The following CGGBP1 variants were observed in gnomAD, a reference collection of about 807,000 sequenced individuals.
CGGBP1 encodes CGG triplet repeat binding protein 1.
A neutral mutation model predicts 11.4 loss-of-function variants in CGGBP1; 4 were observed. The observed-to-expected ratio is 0.35, with a 90% confidence interval of 0.17 to 0.80. CGGBP1 has a LOEUF of 0.80. Among genes scored for constraint, CGGBP1 ranks in the 30% least tolerant of loss-of-function variants. The pLI is 0.52. For missense variants in CGGBP1, 135 were observed against 202.1 expected, an observed-to-expected ratio of 0.67 and a Z score of 2.01; for synonymous variants, 76 against 74.1, an observed-to-expected ratio of 1.03 and a Z score of -0.13.
Position 88,055,464 on chromosome 3 carries a change from A to G in CGGBP1, c.*9T>C. On this transcript the variant is annotated 3_prime_UTR_variant, in exon 4 of 4. Coordinates refer to ENST00000482016, the MANE Select transcript of CGGBP1 (RefSeq NM_001008390.2). The surrounding 1 kb of genome is among the most constrained non-coding windows in gnomAD (Gnocchi z 4.2). ...ATTTATCTTGATCACAATGGTGGTAACCTCCTAGTCAACAATCTTGTGAGT... is the reference window on the plus strand; with the variant it reads ...ATTTATCTTGATCACAATGGTGGTAGCCTCCTAGTCAACAATCTTGTGAGT... The G allele has an allele frequency of 6.6e-7, 1 of 1,511,484 alleles. No homozygotes were observed. Among genetic ancestry groups the G allele is most frequent in the Non-Finnish European group, 8.9e-7 (1 of 1,129,602 alleles). 93.6% of individuals were successfully genotyped at this position (1,511,484 alleles called of 1,614,324 possible). A position where few individuals can be genotyped will look rare whatever the true frequency, so the allele number is the denominator to read the frequency against.
At chr3:88,105,199 C>A (rs1453075512) in intron 2 of CGGBP1, among the ~76,000 whole-genome samples, 1 of 152,074 alleles carries the variant, frequency 6.6e-6, no homozygotes, top group African/African-American at 2.4e-5. Context: ...GACAGGAATT[C>A]GGTTGATAGA....
At chr3:88,135,262 A>G in intron 2 of CGGBP1, 1 of 1,273,156 alleles carries the variant, frequency 7.9e-7, no homozygotes, top group Non-Finnish European at 1.0e-6. Flanking sequence ...CTGAAACTTG[A>G]ATCTCTTTTG....
At chr3:88,138,658 T>C (rs1706949558) in intron 2 of CGGBP1, 1 of 1,155,028 alleles carries the variant, frequency 8.7e-7, no homozygotes, top group Non-Finnish European at 1.1e-6. Context: ...AGTATAACCA[T>C]TTTTTTGGAA....
In CGGBP1 at chr3:88,139,848, A is replaced by G. The variant is rs774298577; in HGVS notation, c.-229+1122T>C. On this transcript the variant is annotated intron_variant, in intron 2 of 3. Transcript: ENST00000462901. ...TCAAGAAACTTCAGTAATTCATAAA[A>G]TCAATGGAACTGTGTGCCATCCAAA... is the stretch of plus-strand genomic sequence containing the variant. The G allele has an allele frequency of 4.5e-5, 72 of 1,589,358 alleles. No individual in the cohort carries two copies. The highest frequency in any genetic ancestry group is 5.7e-5 in the Non-Finnish European group (67 of 1,167,104).
intron 2 of CGGBP1, among the ~76,000 whole-genome samples, chr3:88,105,325 C>T (rs1288083840): frequency 6.6e-6 from 1 of 152,126 alleles, no homozygotes; most frequent in African/African-American, 2.4e-5. Flanking sequence ...GATCATTCCA[C>T]AGTGATACAG....
chr3:88,061,352 G>A (rs1265085308), upstream of CGGBP1, among the ~76,000 whole-genome samples: 1 of 152,166 alleles, frequency 6.6e-6, no homozygotes, highest in African/African-American at 2.4e-5. Flanking sequence ...AACAAATGAA[G>A]TTGACTACTT....
intron 2 of CGGBP1, among the ~76,000 whole-genome samples, chr3:88,074,957 G>A (rs1204436202): frequency 6.6e-6 from 1 of 152,090 alleles, no homozygotes; most frequent in Non-Finnish European, 1.5e-5. Context: ...GTTTAATTGT[G>A]CTACTGTCTG....
chr3:88,083,839 C>T (rs2107653964), intron 2 of CGGBP1, among the ~76,000 whole-genome samples: 1 of 152,110 alleles, frequency 6.6e-6, no homozygotes, highest in Middle Eastern at 3.4e-3. Flanking sequence ...TGCTTACTGC[C>T]TTGTGGCCTT....
At chr3:88,065,177 A>C (rs1269591976) in intron 2 of CGGBP1, among the ~76,000 whole-genome samples, 4 of 152,234 alleles carry the variant, frequency 2.6e-5, no homozygotes, top group Admixed American at 6.5e-5. Flanking sequence ...ATAAAAGGTG[A>C]ATTCCCTGGA....
intron 3 of CGGBP1, chr3:88,056,210 T>C (rs2735556): frequency 0.092 from 37,717 of 409,266 alleles, 1,900 homozygotes; most frequent in Non-Finnish European, 0.11. Flanking sequence ...ATCAGGTCCA[T>C]TCCTTGATTT....
chr3:88,092,668 CAT>C (rs1477067365), intron 2 of CGGBP1, among the ~76,000 whole-genome samples: 5 of 151,998 alleles, frequency 3.3e-5, no homozygotes, highest in African/African-American at 7.2e-5. Context: ...ATTTGCTTGA[CAT>C]ATGAAGTTTA....
At chr3:88,122,696 A>G (rs1705841728) in intron 2 of CGGBP1, among the ~76,000 whole-genome samples, 1 of 152,156 alleles carries the variant, frequency 6.6e-6, no homozygotes, top group Non-Finnish European at 1.5e-5. Context: ...TTTATTATTT[A>G]AGTAAATATT....
intron 2 of CGGBP1, among the ~76,000 whole-genome samples, chr3:88,073,061 A>G (rs749783958): frequency 1.3e-5 from 2 of 152,216 alleles, no homozygotes; most frequent in African/African-American, 2.4e-5. Flanking sequence ...GAAAAGATGG[A>G]TGGCATGGCA....
intron 2 of CGGBP1, chr3:88,138,765 C>T: frequency 9.7e-6 from 12 of 1,232,016 alleles, no homozygotes; most frequent in Non-Finnish European, 1.2e-5. Flanking sequence ...ACAACTCGAC[C>T]TTCATGATGA....
At chr3:88,147,105 T>C (rs1707326662) in intron 1 of CGGBP1, among the ~76,000 whole-genome samples, 2 of 152,188 alleles carry the variant, frequency 1.3e-5, no homozygotes, top group South Asian at 2.1e-4. Context: ...CAAATATTCA[T>C]TGGATACCTA....
At position 88,118,045 on chromosome 3, in the gene CGGBP1, C is replaced by A. The variant is rs192082005; in HGVS notation, c.-229+22925G>T. On this transcript the variant is annotated intron_variant, in intron 2 of 3. Coordinates refer to the CGGBP1 transcript ENST00000462901. ...TTGTTTTAATAATAAGGGAAAAAAGCAACTGTGGGGTAGTAACTGAAATGC... is the reference window on the plus strand; with the variant it reads ...TTGTTTTAATAATAAGGGAAAAAAGAAACTGTGGGGTAGTAACTGAAATGC... Among the ~76,000 whole-genome samples the A allele has an allele frequency of 2.6e-4, 39 of 151,832 alleles. No homozygotes were observed. In the East Asian group the frequency reaches 4.7e-3, roughly 18 times the overall value.
At chr3:88,097,565 T>G (rs972487465) in intron 2 of CGGBP1, among the ~76,000 whole-genome samples, 1 of 152,114 alleles carries the variant, frequency 6.6e-6, no homozygotes, top group Non-Finnish European at 1.5e-5. Context: ...ATTCCAAAAT[T>G]GACCACATAA....
chr3:88,092,219 A>G (rs1238185225), intron 2 of CGGBP1, among the ~76,000 whole-genome samples: 3 of 152,172 alleles, frequency 2.0e-5, no homozygotes, highest in African/African-American at 7.2e-5. Context: ...TTTTATTTAA[A>G]TATTTAATCA....
Position 88,141,706 on chromosome 3 carries a change from A to G in CGGBP1, c.-337-628T>C, listed in dbSNP as rs1559740189. On this transcript the variant is annotated intron_variant, in intron 1 of 3. Transcript: ENST00000462901. ...CAAGCAGTAGTGTGAAAAAAGCACT[A>G]TAAGAAAATGCATCATCAGTTTGCT... 10 of 1,379,248 alleles carry G rather than the reference A, an allele frequency of 7.3e-6. No individual in the cohort carries two copies. The East Asian group carries it at 2.0e-4, about 28-fold the overall frequency. The allele number at this position is 1,379,248 out of a possible 1,614,324, so 85.4% of individuals were successfully genotyped here.
Sources: allele counts gnomAD v4.1 joint callset (sites outside exome capture counted in the v4.1 genomes callset), GRCh38; gene constraint gnomAD v4.1.1; non-coding constraint Gnocchi (gnomAD v3.1); transcripts MANE v1.5; gene names NCBI Gene and HGNC (gene_info 2026-07-23, HGNC 2026-07-21).